Variants in SLC25A31 observed in about 807,000 individuals in gnomAD.
The protein encoded by SLC25A31 is ADP/ATP translocase 4.
SLC25A31 carries 40 observed loss-of-function variants against 36.2 expected under a neutral mutation model. That is an observed-to-expected ratio of 1.10 (90% CI 0.86 to 1.44). SLC25A31 has a LOEUF of 1.44. SLC25A31 is among the 40% of genes most tolerant of loss of function. The probability of loss-of-function intolerance (pLI) is 0.00; values close to 1 mark genes in which losing one functional copy is unlikely to be tolerated. For synonymous variants in SLC25A31, 143 were observed against 149.7 expected (o/e 0.96, Z 0.32); for missense variants, 350 against 397.1 (o/e 0.88, Z 1.01).
At chr4:127,731,804 G>GAA (rs60887431) in intron 1 of SLC25A31, among the ~76,000 whole-genome samples, 10 of 137,546 alleles carry the variant, frequency 7.3e-5, no homozygotes, top group African/African-American at 2.1e-4. Context: ...CTAAAAACAG[G>GAA]AAAAAAAAAA....
At chr4:127,751,606 A>C (rs2148758591) in intron 2 of SLC25A31, among the ~76,000 whole-genome samples, 1 of 152,354 alleles carries the variant, frequency 6.6e-6, no homozygotes, top group Admixed American at 6.5e-5. Flanking sequence ...TCTGCACAGC[A>C]AAAGAAACTA....
intron 4 of SLC25A31, 59 bp downstream of exon 4, chr4:127,767,279 G>T: frequency 7.5e-7 from 1 of 1,324,554 alleles, no homozygotes; most frequent in Non-Finnish European, 1.0e-6. Context: ...TATTTAATTA[G>T]TAATGTTTTC....
At chr4:127,753,612 C>T (rs1578664128) in intron 2 of SLC25A31, among the ~76,000 whole-genome samples, 1 of 152,080 alleles carries the variant, frequency 6.6e-6, no homozygotes, top group Admixed American at 6.5e-5. Context: ...AAACATACAA[C>T]TTATCAACAC....
intron 1 of SLC25A31, among the ~76,000 whole-genome samples, chr4:127,734,514 C>T (rs946640709): frequency 8.9e-5 from 12 of 134,592 alleles, no homozygotes; most frequent in Admixed American, 3.5e-4. Context: ...GAGCCAAGAT[C>T]GTGCCACTAC....
intron 2 of SLC25A31, among the ~76,000 whole-genome samples, chr4:127,754,704 CAT>C (rs755182604): frequency 8.5e-5 from 13 of 152,088 alleles, no homozygotes; most frequent in Non-Finnish European, 1.8e-4. Context: ...ATCGTGTGTT[CAT>C]AGTTTGGAAA....
intron 2 of SLC25A31, among the ~76,000 whole-genome samples, chr4:127,750,890 AAGTC>A (rs1237262420): frequency 1.3e-5 from 2 of 152,212 alleles, no homozygotes. Flanking sequence ...TGGCAATAGT[AAGTC>A]CATATTTATC....
At chr4:127,745,178 G>A (rs183136002) in intron 2 of SLC25A31, among the ~76,000 whole-genome samples, 1 of 152,180 alleles carries the variant, frequency 6.6e-6, no homozygotes, top group Admixed American at 6.5e-5. Context: ...ATATCCTGAA[G>A]AAGTAAATTC....
At chr4:127,771,434 T>C (rs1255083642) in intron 5 of SLC25A31, among the ~76,000 whole-genome samples, 1 of 152,216 alleles carries the variant, frequency 6.6e-6, no homozygotes, top group Admixed American at 6.5e-5. Context: ...TACTACTTAA[T>C]TTTTGTGTAT....
At chr4:127,750,569 T>G (rs1731912459) in intron 2 of SLC25A31, among the ~76,000 whole-genome samples, 1 of 152,166 alleles carries the variant, frequency 6.6e-6, no homozygotes, top group East Asian at 1.9e-4. Context: ...AACTATAATA[T>G]TTAACAGATA....
rs76550875 is a variant in SLC25A31 at position 127,736,806 on chromosome 4, G to A, written c.232+6029G>A. Among the ~76,000 whole-genome samples the A allele has an allele frequency of 2.4e-3, 365 of 152,314 alleles. 1 individual carries two copies. The highest frequency in any genetic ancestry group is 8.2e-3 in the African/African-American group (340 of 41,558). On this transcript the variant is annotated intron_variant, in intron 1 of 5. Transcript: ENST00000281154. ...TAGTGCTCAAGTAATTGTTACTAAT[G>A]TGTATGTGTGTGTTCCTGAATTTAT...
chr4:127,749,449 C>G (rs779224001), intron 2 of SLC25A31, among the ~76,000 whole-genome samples: 1 of 151,980 alleles, frequency 6.6e-6, no homozygotes, highest in Non-Finnish European at 1.5e-5. Flanking sequence ...TAAAAAGATC[C>G]AGGTGTGGAT....
At chr4:127,759,212 GTT>G (rs769362194) in intron 2 of SLC25A31, among the ~76,000 whole-genome samples, 4 of 136,628 alleles carry the variant, frequency 2.9e-5, no homozygotes, top group African/African-American at 5.4e-5. Flanking sequence ...TATTCCTATG[GTT>G]TTTTTTTTTT....
intron 2 of SLC25A31, among the ~76,000 whole-genome samples, chr4:127,760,915 T>G (rs960619365): frequency 1.3e-5 from 2 of 152,184 alleles, no homozygotes; most frequent in African/African-American, 4.8e-5. Context: ...GGCGGGCGCC[T>G]GTAGTCCCAG....
intron 4 of SLC25A31, 59 bp from the exon 5 acceptor site, chr4:127,768,677 AAATTATCCTTTAACTT>A (rs1358803368): frequency 6.2e-6 from 8 of 1,297,208 alleles, no homozygotes; most frequent in Non-Finnish European, 8.2e-6. Context: ...ATATTTATAA[AAATTATCCTTTAACTT>A]AAGAATTTAA....
rs1229517167 is a variant in SLC25A31 at position 127,744,696 on chromosome 4, A to G, written c.257A>G (p.Asn86Ser). 3.8e-6 allele frequency: 6 copies of G among 1,599,720 alleles called. No homozygotes were observed. Among genetic ancestry groups the G allele is most frequent in the East Asian group, 2.2e-5 (1 of 44,676 alleles). ...GGTTTCTTCAGTTTTTGGCGTGGCA[A>G]TTTGGCAAATGTTATTCGGTATTTT... is the stretch of plus-strand genomic sequence containing the variant. ...EQGFFSFWRG[N>S]LANVIRYFPT... The change falls in exon 2 of 6, where the codon AAT becomes AGT. Residue 86 changes from asparagine (N) to serine (S), a missense_variant. Asn to Ser is a conservative substitution (Grantham distance 46, BLOSUM62 1). Coordinates refer to ENST00000281154, the MANE Select transcript of SLC25A31 (RefSeq NM_031291.4).
chr4:127,774,192 TAAATA>T lies in SLC25A31; in HGVS notation c.*623_*627del, dbSNP rs919927269. On this transcript the variant is annotated 3_prime_UTR_variant, in exon 6 of 6. Coordinates refer to ENST00000281154, the MANE Select transcript of SLC25A31 (RefSeq NM_031291.4). ...TATCTGCTGATGTTTATCTTTAAAATAAATAAAATCTTGCTAGTGTGAATATATCT... is the reference window on the plus strand; with the variant it reads ...TATCTGCTGATGTTTATCTTTAAAATAAATCTTGCTAGTGTGAATATATCT... The T allele has an allele frequency of 7.2e-5, 11 of 152,200 alleles. No individual in the cohort carries two copies. The highest frequency in any genetic ancestry group is 2.7e-4 in the African/African-American group (11 of 41,466). The allele number at this position is 152,200 out of a possible 1,614,324, so 9.4% of individuals were successfully genotyped here.
At chr4:127,750,435 T>A (rs1263676390) in intron 2 of SLC25A31, among the ~76,000 whole-genome samples, 4 of 152,238 alleles carry the variant, frequency 2.6e-5, no homozygotes, top group African/African-American at 4.8e-5. Flanking sequence ...CCTTATAAAC[T>A]CATGGTAAAG....
intron 1 of SLC25A31, among the ~76,000 whole-genome samples, chr4:127,734,351 G>A (rs1299800058): frequency 6.6e-6 from 1 of 152,062 alleles, no homozygotes; most frequent in Non-Finnish European, 1.5e-5. Flanking sequence ...CTTGAGGCCA[G>A]GAGTTCAAGA....
intron 1 of SLC25A31, among the ~76,000 whole-genome samples, chr4:127,744,193 A>G (rs977972606): frequency 5.9e-5 from 9 of 152,220 alleles, no homozygotes; most frequent in Non-Finnish European, 8.8e-5. Flanking sequence ...CACCCATTCA[A>G]AATGGTTCCA....
Sources: allele counts gnomAD v4.1 joint callset (sites outside exome capture counted in the v4.1 genomes callset), GRCh38; gene constraint gnomAD v4.1.1; transcripts MANE v1.5; gene names NCBI Gene and HGNC (gene_info 2026-07-23, HGNC 2026-07-21).